Variants in SPATA17 observed in about 807,000 individuals in gnomAD.
SPATA17 encodes the protein spermatogenesis associated 17, also known as spermatogenesis-associated protein 17.
Under a neutral mutation model 62.2 loss-of-function variants are expected in SPATA17, and 53 were observed. The observed-to-expected ratio is 0.85, with a 90% CI of 0.68 to 1.07. The LOEUF (loss-of-function observed/expected upper bound fraction) is 1.07. Ranked by LOEUF, SPATA17 falls within the 50% of genes least tolerant of loss-of-function variation. SPATA17 has a pLI of 0.00. For missense variants in SPATA17, 466 were observed against 425.5 expected, an observed-to-expected ratio of 1.10 and a Z score of -0.84; for synonymous variants, 146 against 146.8, an observed-to-expected ratio of 0.99 and a Z score of 0.04.
chr1:217,773,970 A>G (rs1457382101), intron 6 of SPATA17, among the ~76,000 whole-genome samples: 1 of 152,190 alleles, frequency 6.6e-6, no homozygotes, highest in Non-Finnish European at 1.5e-5. Context: ...ACTTACACGT[A>G]TAGTTAAATA....
At chr1:217,771,977 G>T (rs1418192037) in intron 6 of SPATA17, among the ~76,000 whole-genome samples, 1 of 152,068 alleles carries the variant, frequency 6.6e-6, no homozygotes, top group Non-Finnish European at 1.5e-5. Flanking sequence ...AATCTGTAAG[G>T]TTGTAGCAAT....
intron 3 of SPATA17, among the ~76,000 whole-genome samples, chr1:217,667,796 T>C (rs1199631653): frequency 6.6e-6 from 1 of 152,226 alleles, no homozygotes; most frequent in Non-Finnish European, 1.5e-5. Context: ...TTAAAGTAAA[T>C]ATTTTAAATC....
chr1:217,811,746 A>G (rs955603608), intron 9 of SPATA17, among the ~76,000 whole-genome samples: 1 of 152,080 alleles, frequency 6.6e-6, no homozygotes, highest in Admixed American at 6.6e-5. Flanking sequence ...TAATCTGTAC[A>G]ATACATAGTT....
chr1:217,713,285 T>TC (rs1671921965), intron 5 of SPATA17, among the ~76,000 whole-genome samples: 1 of 152,208 alleles, frequency 6.6e-6, no homozygotes, highest in South Asian at 2.1e-4. Flanking sequence ...ATTTTCATCT[T>TC]CCCTTTTATG....
chr1:217,679,779 T>C (rs191512148), intron 4 of SPATA17, among the ~76,000 whole-genome samples: 1 of 152,268 alleles, frequency 6.6e-6, no homozygotes, highest in Admixed American at 6.5e-5. Flanking sequence ...AGTTGCTGGG[T>C]TTGGAGAAGG....
In SPATA17 at chr1:217,656,363, A is replaced by G. The variant is rs1300354714; in HGVS notation, c.240+5185A>G. Among the ~76,000 whole-genome samples, 5 of 152,194 alleles carry G rather than the reference A, an allele frequency of 3.3e-5. No homozygotes were observed. The East Asian group carries it at 5.8e-4, about 18-fold the overall frequency. On this transcript the variant is annotated intron_variant, in intron 3 of 10. Coordinates refer to ENST00000366933, the MANE Select transcript of SPATA17 (RefSeq NM_138796.4). ...TTTGTTTTGTTACTTTAGCATCTCA[A>G]CTGGATTTGATCAAAAATGGCATCA...
intron 5 of SPATA17, among the ~76,000 whole-genome samples, chr1:217,720,066 A>C (rs1672088720): frequency 6.6e-6 from 1 of 152,238 alleles, no homozygotes; most frequent in Non-Finnish European, 1.5e-5. Flanking sequence ...CTGAAGAAAG[A>C]AAGCAGACAA....
intron 8 of SPATA17, among the ~76,000 whole-genome samples, chr1:217,783,406 C>G (rs569817802): frequency 3.8e-4 from 58 of 152,036 alleles, no homozygotes; most frequent in Middle Eastern, 3.5e-3. Flanking sequence ...ATAGCAATTA[C>G]TTGAAGTGAA....
At chr1:217,695,976 G>C (rs1274673759) in intron 5 of SPATA17, among the ~76,000 whole-genome samples, 2 of 150,240 alleles carry the variant, frequency 1.3e-5, no homozygotes, top group African/African-American at 4.9e-5. Flanking sequence ...CAGAGGTGGA[G>C]CCTACAGAGG....
chr1:217,768,479 G>T (rs1025632582), intron 6 of SPATA17, among the ~76,000 whole-genome samples: 1 of 148,728 alleles, frequency 6.7e-6, no homozygotes, highest in African/African-American at 2.5e-5. Flanking sequence ...TTTCTTTATC[G>T]CAAAGCTCTA....
intron 5 of SPATA17, among the ~76,000 whole-genome samples, chr1:217,684,885 G>T (rs969368031): frequency 6.6e-6 from 1 of 152,110 alleles, no homozygotes; most frequent in East Asian, 1.9e-4. Context: ...AAGGGATCTG[G>T]TCTTTGAGGA....
intron 5 of SPATA17, among the ~76,000 whole-genome samples, chr1:217,704,767 G>A (rs1671694746): frequency 6.6e-6 from 1 of 151,970 alleles, no homozygotes; most frequent in African/African-American, 2.4e-5. Context: ...GTTTTCCATG[G>A]TATATATGTA....
At chr1:217,674,834 T>C (rs1041352739) in intron 4 of SPATA17, among the ~76,000 whole-genome samples, 4 of 152,296 alleles carry the variant, frequency 2.6e-5, no homozygotes, top group African/African-American at 9.6e-5. Flanking sequence ...GTCTCTCACC[T>C]GAAGTTGGGT....
At chr1:217,843,483 G>A (rs1292411286) in intron 9 of SPATA17, among the ~76,000 whole-genome samples, 1 of 151,994 alleles carries the variant, frequency 6.6e-6, no homozygotes, top group Non-Finnish European at 1.5e-5. Context: ...TTGATACATG[G>A]AATATATCAT....
chr1:217,716,858 T>C (rs187082077), intron 5 of SPATA17, among the ~76,000 whole-genome samples: 3 of 152,364 alleles, frequency 2.0e-5, no homozygotes, highest in Admixed American at 2.0e-4. Flanking sequence ...ATCGTGTGCA[T>C]GGTGTTTTAT....
rs1174733614 is a variant in SPATA17 at position 217,640,254 on chromosome 1, TAAG to T, written c.69-8627_69-8625del. ...CTTACTAGTTTTAAATGTTGAATGA[TAAG>T]CAAATCAAAGGCATAAAAATTGCAA... On this transcript the variant is annotated intron_variant, in intron 1 of 10. Coordinates refer to ENST00000366933, the MANE Select transcript of SPATA17 (RefSeq NM_138796.4). 4.6e-5 allele frequency among the ~76,000 whole-genome samples: 7 copies of T among 152,134 alleles called. No homozygotes were observed. The East Asian group carries it at 1.4e-3, about 29-fold the overall frequency.
intron 9 of SPATA17, among the ~76,000 whole-genome samples, chr1:217,844,415 G>A (rs570745387): frequency 8.8e-4 from 134 of 152,156 alleles, no homozygotes; most frequent in Non-Finnish European, 1.3e-3. Flanking sequence ...TTTGGCACAT[G>A]CACCAAGGCT....
chr1:217,732,551 G>A lies in SPATA17; in HGVS notation c.396-9424G>A, dbSNP rs146775642. 1.7e-3 allele frequency among the ~76,000 whole-genome samples: 261 copies of A among 152,286 alleles called. 1 individual carries two copies. The highest frequency in any genetic ancestry group is 4.4e-3 in the Admixed American group (67 of 15,300). On this transcript the variant is annotated intron_variant, in intron 5 of 10. Transcript: ENST00000366933. ...ACTCTACCCAAAACATAAATTTAGT[G>A]GGTTGATCCTCCTCCTCCACAGCTG...
chr1:217,688,130 T>TGCA (rs1352345283), intron 5 of SPATA17, among the ~76,000 whole-genome samples: 1 of 152,168 alleles, frequency 6.6e-6, no homozygotes, highest in Non-Finnish European at 1.5e-5. Flanking sequence ...CTTGGGAGGC[T>TGCA]GCAGCAGGAG....
Sources: gnomAD v4.1 joint callset for allele counts (sites outside exome capture counted in the v4.1 genomes callset) on GRCh38, gnomAD v4.1.1 for gene constraint, MANE v1.5 for transcripts, NCBI Gene and HGNC (gene_info 2026-07-23, HGNC 2026-07-21) for gene names.